GRID2: variants seen among roughly 807,000 people sequenced by gnomAD.
The protein encoded by GRID2 is glutamate ionotropic receptor delta type subunit 2.
Under a neutral mutation model 114.8 loss-of-function variants are expected in GRID2, and 33 were observed. The ratio of observed to expected loss-of-function variants is 0.29; its 90% CI spans 0.22 to 0.38. GRID2 has a LOEUF of 0.38. Among genes scored for constraint, GRID2 ranks in the 10% least tolerant of loss-of-function variants. The pLI, the probability that GRID2 is intolerant of heterozygous loss-of-function variation, is 1.00. For synonymous variants in GRID2, 505 were observed against 449.9 expected (o/e 1.12, Z -1.55); for missense variants, 1,184 against 1,257.7 (o/e 0.94, Z 0.89).
At chr4:93,469,207 T>C (rs1724567122) in intron 11 of GRID2, among the ~76,000 whole-genome samples, 1 of 152,102 alleles carries the variant, frequency 6.6e-6, no homozygotes, top group African/African-American at 2.4e-5. Context: ...GTACAGGCAT[T>C]CTTAGTTTAT....
chr4:92,982,853 C>CA, intron 2 of GRID2, among the ~76,000 whole-genome samples: 1 of 152,034 alleles, frequency 6.6e-6, no homozygotes, highest in East Asian at 1.9e-4. Context: ...TTTAATTTAA[C>CA]AAACACTCAT....
intron 7 of GRID2, among the ~76,000 whole-genome samples, chr4:93,225,353 C>A (rs1227030102): frequency 6.6e-6 from 1 of 152,148 alleles, no homozygotes; most frequent in Non-Finnish European, 1.5e-5. Flanking sequence ...TCCCAGAAGG[C>A]AGTTTATGTT....
At chr4:93,367,763 G>T (rs1762479212) in intron 8 of GRID2, among the ~76,000 whole-genome samples, 1 of 152,112 alleles carries the variant, frequency 6.6e-6, no homozygotes, top group Admixed American at 6.6e-5. Flanking sequence ...AATATAAGCT[G>T]GTTGAAAAGA....
At chr4:92,956,759 T>C (rs1432807353) in intron 2 of GRID2, among the ~76,000 whole-genome samples, 4 of 152,322 alleles carry the variant, frequency 2.6e-5, no homozygotes, top group African/African-American at 9.6e-5. Context: ...TGTAACAATT[T>C]GCATTCCCAG....
intron 14 of GRID2, among the ~76,000 whole-genome samples, chr4:93,634,664 C>T (rs1041694932): frequency 1.3e-5 from 2 of 152,020 alleles, no homozygotes; most frequent in African/African-American, 4.8e-5. Flanking sequence ...AGAGAAATAT[C>T]TGTACAGACG....
At chr4:93,709,843 A>G (rs1487171781) in intron 14 of GRID2, among the ~76,000 whole-genome samples, 1 of 152,088 alleles carries the variant, frequency 6.6e-6, no homozygotes, top group Non-Finnish European at 1.5e-5. Flanking sequence ...TTCTTGATCA[A>G]TTCTACTGTT....
chr4:93,246,955 C>T (rs891793840), intron 8 of GRID2, among the ~76,000 whole-genome samples: 8 of 152,238 alleles, frequency 5.3e-5, no homozygotes, highest in South Asian at 4.1e-4. Context: ...GAAAATAACC[C>T]GTATCTGCTG....
At chr4:92,752,356 A>G (rs1169276081) in intron 2 of GRID2, among the ~76,000 whole-genome samples, 1 of 152,186 alleles carries the variant, frequency 6.6e-6, no homozygotes, top group Non-Finnish European at 1.5e-5. Context: ...AAACCAATGA[A>G]TTTGTTCATG....
intron 14 of GRID2, among the ~76,000 whole-genome samples, chr4:93,656,333 C>T (rs1186807979): frequency 1.3e-5 from 2 of 151,850 alleles, no homozygotes; most frequent in Admixed American, 6.6e-5. Flanking sequence ...TCTATGGGGG[C>T]ATTGAGAATA....
intron 9 of GRID2, among the ~76,000 whole-genome samples, chr4:93,397,343 A>G (rs1379798903): frequency 1.3e-5 from 2 of 151,936 alleles, no homozygotes; most frequent in African/African-American, 4.8e-5. Context: ...ATTTACATTG[A>G]TGCACTAATA....
intron 2 of GRID2, among the ~76,000 whole-genome samples, chr4:92,727,236 A>G (rs572725599): frequency 2.0e-5 from 3 of 152,236 alleles, no homozygotes; most frequent in African/African-American, 7.2e-5. Context: ...TATACAATAA[A>G]AAGACTTAAT....
intron 2 of GRID2, among the ~76,000 whole-genome samples, chr4:92,744,739 A>G (rs2149333985): frequency 6.6e-6 from 1 of 152,232 alleles, no homozygotes; most frequent in Non-Finnish European, 1.5e-5. Context: ...CTCCAGTTCC[A>G]TGAAACCTTT....
intron 8 of GRID2, among the ~76,000 whole-genome samples, chr4:93,376,058 C>T (rs1350649400): frequency 6.6e-6 from 1 of 152,116 alleles, no homozygotes; most frequent in African/African-American, 2.4e-5. Context: ...ATCTCCTCTT[C>T]CTGTAACTAC....
intron 2 of GRID2, among the ~76,000 whole-genome samples, chr4:92,882,102 A>G (rs996412541): frequency 2.0e-5 from 3 of 152,112 alleles, no homozygotes; most frequent in Non-Finnish European, 4.4e-5. Context: ...TCCTACTTAA[A>G]TGATTTAGTT....
At chr4:92,928,348 T>G (rs1273504575) in intron 2 of GRID2, among the ~76,000 whole-genome samples, 1 of 151,660 alleles carries the variant, frequency 6.6e-6, no homozygotes, top group African/African-American at 2.4e-5. Context: ...ATTTAAGTCA[T>G]TTCATGATAT....
At chr4:92,477,247 T>TG (rs2149101195) in intron 1 of GRID2, among the ~76,000 whole-genome samples, 1 of 152,204 alleles carries the variant, frequency 6.6e-6, no homozygotes, top group African/African-American at 2.4e-5. Flanking sequence ...AATGCAGCAC[T>TG]TACTTTTCCA....
chr4:93,470,248 T>G lies in GRID2; in HGVS notation c.1858+14274T>G, dbSNP rs546902337. Among the ~76,000 whole-genome samples the G allele has an allele frequency of 1.0e-3, 156 of 152,254 alleles. 1 individual carries two copies. The highest frequency in any genetic ancestry group is 6.2e-4 in the South Asian group (3 of 4,828). ...AAGTCGGAATGAGTAACTTTCTTGC[T>G]ACTAAATTATATACAGTACATATTT... is the stretch of plus-strand genomic sequence containing the variant. On this transcript the variant is annotated intron_variant, in intron 11 of 15. Transcript: ENST00000282020.
At chr4:92,572,310 A>G (rs1444393601) in intron 1 of GRID2, among the ~76,000 whole-genome samples, 1 of 152,176 alleles carries the variant, frequency 6.6e-6, no homozygotes, top group Non-Finnish European at 1.5e-5. Flanking sequence ...CTCGACACAT[A>G]CACCCTCCCA....
chr4:93,489,565 G>A (rs1726771005), intron 11 of GRID2, among the ~76,000 whole-genome samples: 1 of 151,918 alleles, frequency 6.6e-6, no homozygotes, highest in Admixed American at 6.6e-5. Context: ...GTACTCTCTA[G>A]AATGTAAGTA....
Sources: gnomAD v4.1 joint callset for allele counts (sites outside exome capture counted in the v4.1 genomes callset) on GRCh38, gnomAD v4.1.1 for gene constraint, MANE v1.5 for transcripts, NCBI Gene and HGNC (gene_info 2026-07-23, HGNC 2026-07-21) for gene names.